Variants in SPAG16 observed in about 807,000 individuals in gnomAD.
The protein encoded by SPAG16 is sperm associated antigen 16.
A neutral mutation model predicts 80.4 loss-of-function variants in SPAG16; 86 were observed. The ratio of observed to expected loss-of-function variants is 1.07; its 90% confidence interval spans 0.90 to 1.28. The LOEUF is 1.28. Among genes scored for constraint, SPAG16 ranks in the 50% most tolerant of loss-of-function variants. The pLI is 0.00. For missense variants in SPAG16, 870 were observed against 765.3 expected (o/e 1.14, Z -1.61); for synonymous variants, 294 against 265.9 (o/e 1.11, Z -1.03).
chr2:213,562,358 A>G (rs2059621002), intron 10 of SPAG16, among the ~76,000 whole-genome samples: 1 of 152,210 alleles, frequency 6.6e-6, no homozygotes, highest in African/African-American at 2.4e-5. Context: ...TAGTAGCCAT[A>G]GAACAGTTCA....
At chr2:213,687,903 A>C (rs754140080) in intron 10 of SPAG16, among the ~76,000 whole-genome samples, 22 of 152,156 alleles carry the variant, frequency 1.4e-4, no homozygotes, top group African/African-American at 3.4e-4. Context: ...AACTCTGTAA[A>C]ATATTTGAAG....
chr2:213,692,529 G>A (rs1346187082), intron 10 of SPAG16, among the ~76,000 whole-genome samples: 1 of 152,130 alleles, frequency 6.6e-6, no homozygotes, highest in Non-Finnish European at 1.5e-5. Flanking sequence ...TGTTTTGTCT[G>A]CCGGGCATGG....
At chr2:214,136,590 A>G (rs1383474340) in intron 14 of SPAG16, among the ~76,000 whole-genome samples, 1 of 152,212 alleles carries the variant, frequency 6.6e-6, no homozygotes, top group East Asian at 1.9e-4. Flanking sequence ...TGATGATGGC[A>G]TAGGAAAGAA....
chr2:214,273,930 A>G (rs1316232749), intron 15 of SPAG16, among the ~76,000 whole-genome samples: 1 of 152,160 alleles, frequency 6.6e-6, no homozygotes, highest in Non-Finnish European at 1.5e-5. Flanking sequence ...ATCCATGTGC[A>G]TGGAATGTTC....
At chr2:213,447,866 G>T (rs190477157) in intron 9 of SPAG16, among the ~76,000 whole-genome samples, 11 of 152,346 alleles carry the variant, frequency 7.2e-5, no homozygotes, top group Admixed American at 5.9e-4. Flanking sequence ...CTGGATACCA[G>T]TAACTTTACC....
chr2:213,962,600 A>G (rs2044503704), intron 12 of SPAG16, among the ~76,000 whole-genome samples: 1 of 152,256 alleles, frequency 6.6e-6, no homozygotes, highest in South Asian at 2.1e-4. Context: ...GAGAAGTCTC[A>G]GCAGAGATTA....
In SPAG16 at chr2:214,044,899, C is replaced by T. The variant is rs564458550; in HGVS notation, c.1527+30822C>T. ...CCAGTGGTTGGAATTTGAGTTCTAG[C>T]AAGCCTTAACACTGTGGGCGGAAGT... is the stretch of plus-strand genomic sequence containing the variant. On this transcript the variant is annotated intron_variant, in intron 13 of 15. Transcript: ENST00000331683. 2.6e-5 allele frequency among the ~76,000 whole-genome samples: 4 copies of T among 152,318 alleles called. No individual in the cohort carries two copies. In the East Asian group the frequency reaches 7.7e-4, roughly 29 times the overall value.
chr2:214,064,258 G>T (rs1306321385), intron 13 of SPAG16, among the ~76,000 whole-genome samples: 1 of 151,912 alleles, frequency 6.6e-6, no homozygotes, highest in Non-Finnish European at 1.5e-5. Flanking sequence ...GTGGAGAGAG[G>T]ACACTTTCAT....
chr2:213,356,695 C>T (rs919284568), intron 7 of SPAG16, among the ~76,000 whole-genome samples: 2 of 152,026 alleles, frequency 1.3e-5, no homozygotes, highest in Non-Finnish European at 2.9e-5. Flanking sequence ...TTTCAAAAAG[C>T]CAGCTCCTGG....
In SPAG16 at chr2:213,720,019, G is replaced by A. The variant is rs537192594; in HGVS notation, c.1071-142466G>A. ...ATACTATGCAGCCATAAAAAAGGAT[G>A]AGTTCATGTCCTTTGCAGGGATATG... On this transcript the variant is annotated intron_variant, in intron 10 of 15. Transcript: ENST00000331683. Among the ~76,000 whole-genome samples, 3 of 152,162 alleles carry A rather than the reference G, an allele frequency of 2.0e-5. No homozygotes were observed. The East Asian group carries it at 5.8e-4, about 29-fold the overall frequency.
At chr2:213,388,215 T>A (rs183930766) in intron 9 of SPAG16, among the ~76,000 whole-genome samples, 1 of 152,200 alleles carries the variant, frequency 6.6e-6, no homozygotes, top group Non-Finnish European at 1.5e-5. Flanking sequence ...CCTGCAAATA[T>A]CAGGGATCTG....
chr2:213,893,635 A>AT (rs936663816), intron 11 of SPAG16, among the ~76,000 whole-genome samples: 6 of 151,958 alleles, frequency 3.9e-5, no homozygotes, highest in African/African-American at 1.2e-4. Flanking sequence ...CTTTGTTTCC[A>AT]TTTTTTCTTT....
chr2:213,560,003 T>C (rs2059553958), intron 10 of SPAG16, among the ~76,000 whole-genome samples: 1 of 152,244 alleles, frequency 6.6e-6, no homozygotes, highest in African/African-American at 2.4e-5. Flanking sequence ...AAATGCAACC[T>C]GTTCCCTACC....
At chr2:213,752,530 C>T (rs1232311796) in intron 10 of SPAG16, among the ~76,000 whole-genome samples, 1 of 152,110 alleles carries the variant, frequency 6.6e-6, no homozygotes, top group Non-Finnish European at 1.5e-5. Flanking sequence ...ATAGTGAGAT[C>T]GGAAAATAAA....
intron 10 of SPAG16, among the ~76,000 whole-genome samples, chr2:213,825,433 A>G (rs1403840225): frequency 6.6e-6 from 1 of 152,116 alleles, no homozygotes; most frequent in Non-Finnish European, 1.5e-5. Flanking sequence ...TTTGTCATGA[A>G]GAGATGTTGA....
At chr2:214,021,014 T>C (rs1003407896) in intron 13 of SPAG16, among the ~76,000 whole-genome samples, 30 of 152,180 alleles carry the variant, frequency 2.0e-4, no homozygotes, top group Non-Finnish European at 4.0e-4. Context: ...TTTGATAGGA[T>C]GATTAATCAT....
chr2:213,497,408 C>A (rs998048365), intron 10 of SPAG16, among the ~76,000 whole-genome samples: 1 of 149,680 alleles, frequency 6.7e-6, no homozygotes. Context: ...GGTTTTAAAA[C>A]CTGAGCAACT....
At chr2:214,390,886 A>G (rs1335596986) in intron 15 of SPAG16, among the ~76,000 whole-genome samples, 2 of 152,222 alleles carry the variant, frequency 1.3e-5, no homozygotes, top group Non-Finnish European at 2.9e-5. Flanking sequence ...ATAGGCAGAA[A>G]CAAGGAGATT....
At chr2:214,109,284 A>T (rs897966515) in intron 14 of SPAG16, among the ~76,000 whole-genome samples, 2 of 152,214 alleles carry the variant, frequency 1.3e-5, no homozygotes, top group African/African-American at 4.8e-5. Flanking sequence ...TGTCTTTAAA[A>T]GGGTTCAGAT....
Sources: allele counts gnomAD v4.1 joint callset (sites outside exome capture counted in the v4.1 genomes callset), GRCh38; gene constraint gnomAD v4.1.1; transcripts MANE v1.5; gene names NCBI Gene and HGNC (gene_info 2026-07-23, HGNC 2026-07-21).